ARHGEF11: variants seen among roughly 807,000 people sequenced by gnomAD.
ARHGEF11 encodes the protein Rho guanine exchange factor (GEF) 11.
ARHGEF11 carries 55 observed loss-of-function variants against 193.7 expected under a neutral mutation model. The observed-to-expected ratio is 0.28, with a 90% CI of 0.23 to 0.36. ARHGEF11 has a LOEUF of 0.36. ARHGEF11 is among the 10% of genes least tolerant of loss of function. The pLI is 1.00. For missense variants in ARHGEF11, 1,723 were observed against 2,005.6 expected (o/e 0.86, Z 2.69); for synonymous variants, 693 against 768.0 (o/e 0.90, Z 1.62).
chr1:157,023,257 T>C (rs1007171014), intron 1 of ARHGEF11, among the ~76,000 whole-genome samples: 17 of 152,302 alleles, frequency 1.1e-4, no homozygotes, highest in African/African-American at 3.6e-4. Context: ...GGGTCTAGTA[T>C]ACAGAATCTA....
In ARHGEF11 at chr1:157,045,557, T is replaced by C. The variant is rs1571649623; in HGVS notation, c.-1227A>G. Among the ~76,000 whole-genome samples, 3 of 152,158 alleles carry C rather than the reference T, an allele frequency of 2.0e-5. No homozygotes were observed. The East Asian group carries it at 5.8e-4, about 29-fold the overall frequency. On this transcript the variant is annotated 5_prime_UTR_variant, in exon 1 of 41. Coordinates refer to ENST00000368194, the MANE Select transcript of ARHGEF11 (RefSeq NM_198236.3). ...CTTGCCTCCCTTTCCGCCCCTCGCC[T>C]AATCTCGCAGGCAGGAGCCCGCAGT...
At chr1:156,959,628 T>C (rs1039114136) in intron 15 of ARHGEF11, among the ~76,000 whole-genome samples, 8 of 152,222 alleles carry the variant, frequency 5.3e-5, no homozygotes, top group Non-Finnish European at 8.8e-5. Context: ...CCTTGGGAGC[T>C]GTGTTTCATT....
intron 1 of ARHGEF11, among the ~76,000 whole-genome samples, chr1:157,019,253 A>G (rs1465358319): frequency 2.6e-5 from 4 of 152,242 alleles, no homozygotes; most frequent in African/African-American, 9.6e-5. Flanking sequence ...AAATACTTCA[A>G]CAAAAAAAGG....
chr1:156,959,382 G>A (rs1660452012), intron 15 of ARHGEF11, among the ~76,000 whole-genome samples: 1 of 152,328 alleles, frequency 6.6e-6, no homozygotes. Flanking sequence ...TGGATGTTCT[G>A]TGCTCCATTA....
intron 1 of ARHGEF11, among the ~76,000 whole-genome samples, chr1:157,036,880 C>T (rs1248873897): frequency 6.6e-6 from 1 of 151,988 alleles, no homozygotes; most frequent in African/African-American, 2.4e-5. Context: ...AATCCCAGCA[C>T]TGTGGGAGGT....
intron 33 of ARHGEF11, 56 bp from the exon 34 acceptor site, chr1:156,942,045 C>G: frequency 6.2e-7 from 1 of 1,611,950 alleles, no homozygotes; most frequent in Non-Finnish European, 8.5e-7. Flanking sequence ...GCAGCACGCA[C>G]CACCCCGTAC....
At chr1:156,951,188 TG>T (rs1339110924) in intron 22 of ARHGEF11, among the ~76,000 whole-genome samples, 4 of 152,230 alleles carry the variant, frequency 2.6e-5, no homozygotes, top group Non-Finnish European at 5.9e-5. Flanking sequence ...TTTGCCTGCC[TG>T]GGTCTTTTTT....
chr1:156,959,427 C>CT (rs1660459158), intron 15 of ARHGEF11, among the ~76,000 whole-genome samples: 1 of 152,208 alleles, frequency 6.6e-6, no homozygotes, highest in Admixed American at 6.5e-5. Flanking sequence ...TTGGATATGT[C>CT]TAAGTACCAT....
chr1:157,018,506 G>A (rs11264601), intron 1 of ARHGEF11, among the ~76,000 whole-genome samples: 28,463 of 152,012 alleles, frequency 0.19, 3,167 homozygotes, highest in East Asian at 0.44. Context: ...TTAGCTGGGC[G>A]TGGTGTCGGG....
At chr1:156,990,309 T>A (rs1665530298) in intron 1 of ARHGEF11, among the ~76,000 whole-genome samples, 1 of 152,220 alleles carries the variant, frequency 6.6e-6, no homozygotes, top group East Asian at 1.9e-4. Context: ...ATATAAGTGA[T>A]GTTGGATAGC....
chr1:156,987,752 A>G (rs987752755), intron 1 of ARHGEF11, among the ~76,000 whole-genome samples: 17 of 152,130 alleles, frequency 1.1e-4, no homozygotes, highest in African/African-American at 4.1e-4. Context: ...TCTTTGGATC[A>G]GAGAGAGAAG....
Position 156,940,288 on chromosome 1 carries a change from T to A in ARHGEF11, c.3652A>T (p.Ile1218Phe). 1 of 1,613,448 alleles carries A rather than the reference T, an allele frequency of 6.2e-7. No homozygotes were observed. Among genetic ancestry groups the A allele is most frequent in the Non-Finnish European group, 8.5e-7 (1 of 1,179,588 alleles). The part of the protein sequence containing the change: ...STSLDGENRG[I>F]RTRNPIHLAF... ...AAGTGGATGGGGTTCCTTGTCCTGA[T>A]GCCCCTGTTCTCTCCATCCAGGGAT... is the stretch of plus-strand genomic sequence containing the variant. Residue 1218 changes from isoleucine to phenylalanine, a missense_variant, in exon 36 of 41, where the codon ATC (isoleucine) becomes TTC (phenylalanine). Physicochemically the swap from Ile to Phe is conservative, Grantham distance 21. Coordinates refer to ENST00000368194, the MANE Select transcript of ARHGEF11 (RefSeq NM_198236.3).
intron 27 of ARHGEF11, 22 bp from the exon 28 acceptor site, chr1:156,946,809 G>C (rs376465660): frequency 2.5e-6 from 4 of 1,613,870 alleles, no homozygotes; most frequent in African/African-American, 2.7e-5. Flanking sequence ...GAATGGACAC[G>C]GGGCCAGGCA....
chr1:157,002,252 C>T (rs1400867793), intron 1 of ARHGEF11, among the ~76,000 whole-genome samples: 2 of 152,140 alleles, frequency 1.3e-5, no homozygotes, highest in African/African-American at 4.8e-5. Flanking sequence ...GTCCACAAAA[C>T]ACAATCTCCA....
chr1:156,936,523 T>TATAA (rs1655349131), intron 40 of ARHGEF11, among the ~76,000 whole-genome samples: 4 of 126,546 alleles, frequency 3.2e-5, no homozygotes, highest in Admixed American at 1.6e-4. Context: ...TATATATATA[T>TATAA]ATAAAATTAA....
At position 156,936,065 on chromosome 1, in the gene ARHGEF11, G is replaced by A; in HGVS notation, c.4631-7C>T. On this transcript the variant is annotated splice_region_variant and splice_polypyrimidine_tract_variant and intron_variant, in intron 40 of 40. Coordinates refer to ENST00000368194, the MANE Select transcript of ARHGEF11 (RefSeq NM_198236.3). The stretch of plus-strand genomic sequence containing the variant: ...TCCAGGGGGGCGTCAGAGCCTGTGG[G>A]AGGAGGATGAAGGTGAGGAACTGGC... 3 of 1,614,020 alleles carry A rather than the reference G, an allele frequency of 1.9e-6. No individual in the cohort carries two copies. The highest frequency in any genetic ancestry group is 2.5e-6 in the Non-Finnish European group (3 of 1,179,918).
chr1:157,020,008 T>C (rs1669768903), intron 1 of ARHGEF11, among the ~76,000 whole-genome samples: 1 of 151,838 alleles, frequency 6.6e-6, no homozygotes, highest in African/African-American at 2.4e-5. Context: ...GCGCCTGTAG[T>C]CCCAGCTACT....
chr1:156,983,814 A>C (rs1664543228), intron 3 of ARHGEF11, among the ~76,000 whole-genome samples: 1 of 152,242 alleles, frequency 6.6e-6, no homozygotes. Context: ...AACTACTCAA[A>C]CTTCCAAACA....
rs1259864515 is a variant in ARHGEF11, at chr1:156,961,723, C to T, written c.1193G>A (p.Arg398Gln). The change falls in exon 14 of 41, where the codon CGA becomes CAA. Residue 398 changes from arginine to glutamine, a missense_variant. Arg to Gln is a conservative substitution (Grantham distance 43). This residue lies in a region of ARHGEF11 where 646 missense variants were observed against 710.7 expected (regional missense o/e 0.91). Coordinates refer to ENST00000368194, the MANE Select transcript of ARHGEF11 (RefSeq NM_198236.3). ...ATTCCAGATGTCTTTCCCCAAGCTT[C>T]GGGAATCCTTGGGGCTTGCCTGCTG... ...VYQQASPKDS[R>Q]SLGKDIWNIF... The T allele has an allele frequency of 5.0e-6, 8 of 1,614,066 alleles. No individual in the cohort carries two copies. In the Admixed American group the frequency reaches 1.2e-4, roughly 24 times the overall value.
Sources: gnomAD v4.1 joint callset for allele counts (sites outside exome capture counted in the v4.1 genomes callset) on GRCh38, gnomAD v4.1.1 for gene constraint, gnomAD v4.1.1 regional missense constraint, MANE v1.5 for transcripts, NCBI Gene and HGNC (gene_info 2026-07-23, HGNC 2026-07-21) for gene names.